Variants in YBX1 observed in about 807,000 individuals in gnomAD.
The protein encoded by YBX1 is Y-box-binding protein 1.
Under a neutral mutation model 41.4 loss-of-function variants are expected in YBX1, and 3 were observed. The ratio of observed to expected loss-of-function variants is 0.07; its 90% CI spans 0.03 to 0.19. The LOEUF is 0.19. YBX1 is among the 10% of genes least tolerant of loss of function. The pLI is 1.00. For missense variants in YBX1, 274 were observed against 462.8 expected (o/e 0.59, Z 3.74); for synonymous variants, 133 against 165.8 (o/e 0.80, Z 1.52).
intron 7 of YBX1, among the ~76,000 whole-genome samples, chr1:42,701,643 TTAA>T (rs778016465): frequency 2.8e-4 from 43 of 152,126 alleles, no homozygotes; most frequent in Admixed American, 2.2e-3. Context: ...TGCCTGTAGA[TTAA>T]TAATAATAAT....
In YBX1 at chr1:42,703,043, G is replaced by A. The variant is rs541323686; in HGVS notation, c.*1094G>A. ...TAGGTTTAAGCGATTCTCCTGCCTC[G>A]GCCACCTTAGTAGCTGGGAGTACAG... On this transcript the variant is annotated 3_prime_UTR_variant, in exon 8 of 8. Transcript: ENST00000321358. 2.0e-5 allele frequency among the ~76,000 whole-genome samples: 3 copies of A among 152,004 alleles called. No homozygotes were observed. Among genetic ancestry groups the A allele is most frequent in the Admixed American group, 1.3e-4 (2 of 15,270 alleles).
At chr1:42,684,593 T>G (rs775515872) in intron 2 of YBX1, among the ~76,000 whole-genome samples, 4 of 152,254 alleles carry the variant, frequency 2.6e-5, no homozygotes, top group Admixed American at 6.5e-5. Context: ...GAGTAAGAGA[T>G]AAGCATTTGG....
rs1476190846 is a variant in YBX1 at position 42,696,107 on chromosome 1, C to T, written c.265-92C>T. ...TTAAAGCAAATCTTAAGTGTATATC[C>T]AAGCTAAAATAATATTGACTCTGGT... On this transcript the variant is annotated intron_variant, in intron 3 of 7. Transcript: ENST00000321358. The surrounding 1 kb of genome is among the most constrained non-coding windows in gnomAD (Gnocchi z 5.7). 2 of 1,145,738 alleles carry T rather than the reference C, an allele frequency of 1.7e-6. No individual in the cohort carries two copies. The highest frequency in any genetic ancestry group is 3.1e-5 in the African/African-American group (2 of 63,598). The allele number at this position is 1,145,738 out of a possible 1,614,324, so 71.0% of individuals were successfully genotyped here.
chr1:42,691,993 G>C (rs1257963146), intron 2 of YBX1, among the ~76,000 whole-genome samples: 1 of 152,120 alleles, frequency 6.6e-6, no homozygotes, highest in Non-Finnish European at 1.5e-5. Context: ...TGGGACTATA[G>C]GCACACACAG....
intron 7 of YBX1, 99 bp downstream of exon 7, chr1:42,701,145 A>G: frequency 2.5e-6 from 2 of 800,236 alleles, no homozygotes; most frequent in Non-Finnish European, 4.0e-6. Context: ...TCCATCAGAT[A>G]ATGAAAGCCA....
Position 42,696,891 on chromosome 1 carries a change from T to C in YBX1, c.604T>C (p.Tyr202His). The change falls in exon 5 of 8, where the codon TAT becomes CAT. Residue 202 changes from tyrosine (Y) to histidine (H), a missense_variant. By Grantham distance (83) the Tyr-to-His change is moderately conservative. Transcript: ENST00000321358. The surrounding 1 kb of genome is among the most constrained non-coding windows in gnomAD (Gnocchi z 5.7). ...RFPPYYMRRP[Y>H]GRRPQYSNPP... ...CCCACCTTACTACATGCGGAGACCC[T>C]ATGGGCGTCGACCACAGTATTCCAA... 3 of 1,581,392 alleles carry C rather than the reference T, an allele frequency of 1.9e-6. No individual in the cohort carries two copies. The highest frequency in any genetic ancestry group is 2.6e-6 in the Non-Finnish European group (3 of 1,162,502).
intron 2 of YBX1, among the ~76,000 whole-genome samples, chr1:42,690,253 T>C (rs1650297409): frequency 6.6e-6 from 1 of 151,530 alleles, no homozygotes; most frequent in African/African-American, 2.4e-5. Flanking sequence ...TTTTCTTTTT[T>C]TTTTTTTAAG....
chr1:42,688,979 A>C (rs1650265120), intron 2 of YBX1, among the ~76,000 whole-genome samples: 1 of 152,228 alleles, frequency 6.6e-6, no homozygotes, highest in Non-Finnish European at 1.5e-5. Flanking sequence ...GTCACGAGTA[A>C]GCCATTAAAT....
intron 2 of YBX1, among the ~76,000 whole-genome samples, chr1:42,684,355 C>T (rs140389605): frequency 1.3e-5 from 2 of 152,232 alleles, no homozygotes; most frequent in African/African-American, 4.8e-5. Flanking sequence ...GTGCTAGTTA[C>T]ATGGGTGCAG....
chr1:42,700,680 G>GC (rs1650576291), intron 6 of YBX1, 101 bp from the exon 7 acceptor site: 2 of 1,125,436 alleles, frequency 1.8e-6, no homozygotes, highest in South Asian at 1.5e-5. Flanking sequence ...TACAGAATGG[G>GC]CCAGACATGG....
intron 2 of YBX1, among the ~76,000 whole-genome samples, chr1:42,692,433 A>G (rs1030619053): frequency 1.3e-5 from 2 of 152,084 alleles, no homozygotes; most frequent in Non-Finnish European, 2.9e-5. Context: ...AGTCGCTTTT[A>G]CAGTTTACCT....
chr1:42,686,764 TTTAC>T (rs1296172760), intron 2 of YBX1, among the ~76,000 whole-genome samples: 2 of 152,196 alleles, frequency 1.3e-5, no homozygotes, highest in Non-Finnish European at 2.9e-5. Context: ...AATGAGCCAA[TTTAC>T]TTAATCTTTA....
intron 2 of YBX1, among the ~76,000 whole-genome samples, chr1:42,687,358 C>T: frequency 8.8e-6 from 1 of 113,064 alleles, no homozygotes. Context: ...GATCTTGGCT[C>T]ACTGCAACTC....
intron 2 of YBX1, among the ~76,000 whole-genome samples, chr1:42,686,437 A>T (rs767548452): frequency 6.6e-6 from 1 of 152,224 alleles, no homozygotes. Context: ...GTATTTCCAC[A>T]TAAGTAAAAA....
At position 42,696,514 on chromosome 1, in the gene YBX1, C is replaced by T. The variant is rs1013935839; in HGVS notation, c.355-128C>T. The stretch of plus-strand genomic sequence containing the variant: ...GCACCCCTGGTCACGCAGTTGCGCC[C>T]CCCCCCCCTTTTTTTTCCTTAACTT... On this transcript the variant is annotated intron_variant, in intron 4 of 7. Coordinates refer to ENST00000321358, the MANE Select transcript of YBX1 (RefSeq NM_004559.5). This position sits in a 1 kb window ranked among gnomAD's most constrained non-coding sequence, Gnocchi z 5.7. 1 of 671,658 alleles carries T rather than the reference C, an allele frequency of 1.5e-6. No homozygotes were observed. Among genetic ancestry groups the T allele is most frequent in the African/African-American group, 1.8e-5 (1 of 54,656 alleles). 41.6% of individuals were successfully genotyped at this position (671,658 alleles called of 1,614,324 possible). A position where few individuals can be genotyped will look rare whatever the true frequency, so the allele number is the denominator to read the frequency against.
intron 1 of YBX1, chr1:42,683,110 T>C (rs1650090936): frequency 1.7e-6 from 1 of 578,606 alleles, no homozygotes; most frequent in Non-Finnish European, 3.2e-6. Flanking sequence ...GCGCACCGCC[T>C]ACGCAGGCCG....
At chr1:42,688,533 A>G (rs774090949) in intron 2 of YBX1, among the ~76,000 whole-genome samples, 6 of 152,216 alleles carry the variant, frequency 3.9e-5, no homozygotes, top group Admixed American at 2.6e-4. Context: ...GCCACTGCCT[A>G]TTGCTACTGC....
chr1:42,687,654 T>G (rs549849366), intron 2 of YBX1, among the ~76,000 whole-genome samples: 1 of 152,238 alleles, frequency 6.6e-6, no homozygotes, highest in South Asian at 2.1e-4. Flanking sequence ...GTTGGTTGTT[T>G]GAAGTGGAGT....
chr1:42,682,453 G>A lies in YBX1; in HGVS notation c.-113G>A, dbSNP rs927785545. ...GTTCGATCGGTAGCGGGAGCGGAGA[G>A]CGGACCCCAGAGAGCCCTGAGCAGC... On this transcript the variant is annotated 5_prime_UTR_variant, in exon 1 of 8. Coordinates refer to ENST00000321358, the MANE Select transcript of YBX1 (RefSeq NM_004559.5). 4 of 1,211,304 alleles carry A rather than the reference G, an allele frequency of 3.3e-6. No homozygotes were observed. The highest frequency in any genetic ancestry group is 4.2e-6 in the Non-Finnish European group (4 of 946,788). The allele number at this position is 1,211,304 out of a possible 1,614,324, so 75.0% of individuals were successfully genotyped here.
Sources: allele counts gnomAD v4.1 joint callset (sites outside exome capture counted in the v4.1 genomes callset), GRCh38; gene constraint gnomAD v4.1.1; non-coding constraint Gnocchi (gnomAD v3.1); transcripts MANE v1.5; gene names NCBI Gene and HGNC (gene_info 2026-07-23, HGNC 2026-07-21).